Variants in DRC3 observed in about 807,000 individuals in gnomAD.
DRC3 encodes leucine rich repeat containing 48.
A neutral mutation model predicts 57.6 loss-of-function variants in DRC3; 45 were observed. The ratio of observed to expected loss-of-function variants is 0.78; its 90% CI spans 0.62 to 1.00. The LOEUF is 1.00. Among genes scored for constraint, DRC3 ranks in the 50% least tolerant of loss-of-function variants. The pLI is 0.00. For synonymous variants in DRC3, 257 were observed against 272.3 expected (o/e 0.94, Z 0.55); for missense variants, 655 against 675.2 (o/e 0.97, Z 0.33).
At chr17:17,977,461 GC>G in intron 2 of DRC3, 120 bp from the exon 3 acceptor site, 2 of 1,173,102 alleles carry the variant, frequency 1.7e-6, no homozygotes, top group Non-Finnish European at 2.5e-6. Flanking sequence ...CCAGGGCTGG[GC>G]GTGGGGCATT....
chr17:17,995,923 T>G (rs906001360), intron 8 of DRC3, among the ~76,000 whole-genome samples: 2 of 152,252 alleles, frequency 1.3e-5, no homozygotes, highest in African/African-American at 4.8e-5. Flanking sequence ...GGCTAGGCAA[T>G]GTAGTGAGAC....
At chr17:17,994,247 G>A (rs1193327840) in intron 6 of DRC3, 52 bp from the exon 7 acceptor site, 3 of 1,541,216 alleles carry the variant, frequency 1.9e-6, no homozygotes, top group Middle Eastern at 1.7e-4. Flanking sequence ...GGCAGAGGCG[G>A]TGTGGCTCGG....
At chr17:17,987,426 T>G (rs1334131004) in intron 4 of DRC3, among the ~76,000 whole-genome samples, 1 of 152,122 alleles carries the variant, frequency 6.6e-6, no homozygotes, top group African/African-American at 2.4e-5. Flanking sequence ...TGAGTCTCTC[T>G]GAGCTTCTGC....
At chr17:17,994,179 GC>G (rs1463433996) in intron 6 of DRC3, 119 bp from the exon 7 acceptor site, 9 of 1,322,636 alleles carry the variant, frequency 6.8e-6, no homozygotes, top group Non-Finnish European at 7.2e-6. Flanking sequence ...CTTCATGCAG[GC>G]CCCTGTGCAA....
intron 3 of DRC3, 145 bp downstream of exon 3, chr17:17,977,903 A>G (rs1402915871): frequency 2.8e-5 from 20 of 720,760 alleles, no homozygotes; most frequent in Non-Finnish European, 4.0e-5. Flanking sequence ...TACAAGGCAT[A>G]GGAGCAGCAC....
At position 17,997,585 on chromosome 17, in the gene DRC3, A is replaced by G; in HGVS notation, c.950A>G (p.Gln317Arg). 1 of 1,611,488 alleles carries G rather than the reference A, an allele frequency of 6.2e-7. No individual in the cohort carries two copies. The highest frequency in any genetic ancestry group is 8.5e-7 in the Non-Finnish European group (1 of 1,178,904). ...ECVREAIQEN[Q>R]EQGKRKIAKF... ...GTCCGTGAGGCCATCCAGGAAAACC[A>G]GGAGCAGGGCAAACGCAAGATTGCC... The change falls in exon 9 of 14, where the codon CAG (glutamine) becomes CGG (arginine). Residue 317 changes from glutamine to arginine, a missense_variant. Transcript: ENST00000399187.
intron 8 of DRC3, 32 bp downstream of exon 8, chr17:17,995,143 C>A: frequency 6.6e-7 from 1 of 1,510,168 alleles, no homozygotes; most frequent in Non-Finnish European, 9.2e-7. Flanking sequence ...TGTCTCAGAG[C>A]CTCTGCCACC....
At chr17:17,975,187 A>C (rs1477346130) in intron 2 of DRC3, among the ~76,000 whole-genome samples, 1 of 151,164 alleles carries the variant, frequency 6.6e-6, no homozygotes, top group African/African-American at 2.4e-5. Flanking sequence ...CAAAATTAAG[A>C]GTCATTTCCC....
intron 9 of DRC3, among the ~76,000 whole-genome samples, chr17:17,999,021 G>C (rs1284774125): frequency 6.6e-6 from 1 of 152,170 alleles, no homozygotes; most frequent in African/African-American, 2.4e-5. Flanking sequence ...CGCAGTCCCT[G>C]TCCAGCCTTC....
chr17:17,982,683 T>C (rs2042759171), intron 3 of DRC3, among the ~76,000 whole-genome samples: 1 of 150,980 alleles, frequency 6.6e-6, no homozygotes, highest in Admixed American at 6.6e-5. Context: ...CAAGCGATTC[T>C]CCTGCCTCAG....
At chr17:17,998,491 C>T (rs1419111444) in intron 9 of DRC3, among the ~76,000 whole-genome samples, 1 of 152,206 alleles carries the variant, frequency 6.6e-6, no homozygotes, top group African/African-American at 2.4e-5. Context: ...AAGCTGTGGA[C>T]CTTCTTTTTC....
chr17:18,004,289 A>G (rs563262635), intron 9 of DRC3, 74 bp from the exon 10 acceptor site: 1 of 1,518,682 alleles, frequency 6.6e-7, no homozygotes, highest in South Asian at 1.2e-5. Context: ...CTTACCCACA[A>G]AACCAAATTG....
intron 13 of DRC3, 121 bp downstream of exon 13, chr17:18,016,316 A>G: frequency 8.5e-7 from 1 of 1,178,456 alleles, no homozygotes. Flanking sequence ...AAATAAAATT[A>G]AGGATTATAG....
chr17:17,988,263 G>C, intron 5 of DRC3, 165 bp downstream of exon 5: 1 of 735,352 alleles, frequency 1.4e-6, no homozygotes, highest in East Asian at 2.9e-5. Context: ...ATTTGCTCAT[G>C]TTTAAATACC....
intron 9 of DRC3, among the ~76,000 whole-genome samples, chr17:17,999,914 C>CTGTG (rs147338372): frequency 2.0e-5 from 3 of 151,638 alleles, no homozygotes; most frequent in Middle Eastern, 3.4e-3. Flanking sequence ...TCCTGTATCT[C>CTGTG]TGTGTGTGTG....
intron 10 of DRC3, chr17:18,005,949 G>A (rs745583016): frequency 4.2e-5 from 22 of 520,276 alleles, no homozygotes; most frequent in Non-Finnish European, 6.6e-5. Context: ...GCAAAGTTCC[G>A]GTGACAGCAT....
intron 3 of DRC3, among the ~76,000 whole-genome samples, chr17:17,979,249 G>A (rs2042538334): frequency 6.6e-6 from 1 of 152,206 alleles, no homozygotes; most frequent in Non-Finnish European, 1.5e-5. Flanking sequence ...GAGACAGGTC[G>A]GGGAGGTCAT....
At chr17:17,988,164 G>T (rs2043051041) in intron 5 of DRC3, 66 bp downstream of exon 5, 1 of 1,509,906 alleles carries the variant, frequency 6.6e-7, no homozygotes, top group South Asian at 1.2e-5. Flanking sequence ...GGGTTGAGTG[G>T]GGGTCTGTGG....
At chr17:17,989,319 C>T (rs1172715222) in intron 5 of DRC3, among the ~76,000 whole-genome samples, 1 of 152,062 alleles carries the variant, frequency 6.6e-6, no homozygotes, top group Non-Finnish European at 1.5e-5. Context: ...TGTGGCCGGG[C>T]CTCGCCACAG....
Sources: allele counts gnomAD v4.1 joint callset (sites outside exome capture counted in the v4.1 genomes callset), GRCh38; gene constraint gnomAD v4.1.1; transcripts MANE v1.5; gene names NCBI Gene and HGNC (gene_info 2026-07-23, HGNC 2026-07-21).